The following GPHN variants were observed in gnomAD, a reference collection of about 807,000 sequenced individuals.
The protein encoded by GPHN is gephyrin.
Under a neutral mutation model 95.5 loss-of-function variants are expected in GPHN, and 17 were observed. That is an observed-to-expected ratio of 0.18 (90% CI 0.12 to 0.27). The LOEUF (loss-of-function observed/expected upper bound fraction) is 0.27. Ranked by LOEUF, GPHN falls within the 10% of genes least tolerant of loss-of-function variation. The pLI, the probability that GPHN is intolerant of heterozygous loss-of-function variation, is 1.00. For missense variants in GPHN, 660 were observed against 978.1 expected (o/e 0.67, Z 4.34); for synonymous variants, 320 against 322.5 (o/e 0.99, Z 0.08).
At chr14:67,122,183 A>G (rs2079047702) in intron 16 of GPHN, 73 bp from the exon 17 acceptor site, 1 of 1,467,954 alleles carries the variant, frequency 6.8e-7, no homozygotes, top group Non-Finnish European at 9.5e-7. Context: ...TCAGTTTAGT[A>G]GATTTTTTTT....
intron 3 of GPHN, among the ~76,000 whole-genome samples, chr14:66,793,598 T>C (rs536024026): frequency 1.5e-3 from 227 of 152,248 alleles, no homozygotes; most frequent in Non-Finnish European, 2.7e-3. Flanking sequence ...CATATATATA[T>C]CTGTGTGTGA....
intron 4 of GPHN, among the ~76,000 whole-genome samples, chr14:66,827,874 G>A (rs1485493243): frequency 2.6e-5 from 4 of 152,028 alleles, no homozygotes; most frequent in Non-Finnish European, 4.4e-5. Flanking sequence ...TAGTTGACAA[G>A]TGTCTGTTTC....
the GPHN span, among the ~76,000 whole-genome samples, chr14:67,309,646 A>G: frequency 6.6e-6 from 1 of 152,292 alleles, no homozygotes; most frequent in Admixed American, 6.5e-5. Flanking sequence ...GCCTATGGCA[A>G]TGGTCATAAA....
At chr14:66,746,236 CATT>C (rs2058143793) in intron 2 of GPHN, among the ~76,000 whole-genome samples, 1 of 152,098 alleles carries the variant, frequency 6.6e-6, no homozygotes, top group African/African-American at 2.4e-5. Flanking sequence ...GTATACTTAA[CATT>C]ATAAAAACCC....
At chr14:67,323,232 C>CGTGTGTGT in the GPHN span, among the ~76,000 whole-genome samples, 1,577 of 143,550 alleles carry the variant, frequency 0.011, 33 homozygotes, top group African/African-American at 0.035. Context: ...CATATATACA[C>CGTGTGTGT]GTGTGTGTGT....
rs563411213 is a variant in GPHN at position 67,024,882 on chromosome 14, T to G, written c.1006+1207T>G. 3.3e-5 allele frequency among the ~76,000 whole-genome samples: 5 copies of G among 152,284 alleles called. No individual in the cohort carries two copies. The South Asian group carries it at 1.0e-3, about 32-fold the overall frequency. On this transcript the variant is annotated intron_variant, in intron 10 of 22. Coordinates refer to ENST00000478722, the MANE Select transcript of GPHN (RefSeq NM_020806.5). ...TAAAAATTCATGGGGTTTTTTTGTG[T>G]AAATTTTTCCATTTTTGTTTTGTAA...
At chr14:67,107,536 G>A (rs1009901198) in intron 13 of GPHN, among the ~76,000 whole-genome samples, 9 of 152,144 alleles carry the variant, frequency 5.9e-5, no homozygotes, top group South Asian at 2.1e-4. Flanking sequence ...AAAGAAAAAG[G>A]TTTTGGCCAG....
the GPHN span, among the ~76,000 whole-genome samples, chr14:67,710,612 A>G: frequency 1.3e-5 from 2 of 152,022 alleles, no homozygotes; most frequent in South Asian, 4.1e-4. Flanking sequence ...CTTTATTTTT[A>G]TAACTTTCTT....
At chr14:66,595,999 T>C (rs1444812442) in intron 1 of GPHN, among the ~76,000 whole-genome samples, 1 of 151,904 alleles carries the variant, frequency 6.6e-6, no homozygotes, top group Non-Finnish European at 1.5e-5. Context: ...AGTGGGTAGC[T>C]CCTCTCTGCA....
chr14:66,886,770 A>G (rs1223282572), intron 5 of GPHN, among the ~76,000 whole-genome samples: 1 of 152,154 alleles, frequency 6.6e-6, no homozygotes, highest in African/African-American at 2.4e-5. Context: ...CAGCATACAC[A>G]TTATGGGGAT....
At chr14:66,916,981 A>G (rs188116111) in intron 6 of GPHN, among the ~76,000 whole-genome samples, 4 of 152,268 alleles carry the variant, frequency 2.6e-5, no homozygotes, top group Non-Finnish European at 4.4e-5. Flanking sequence ...TAGGGTGTGG[A>G]TATATTTAGA....
intron 4 of GPHN, among the ~76,000 whole-genome samples, chr14:66,852,165 C>T (rs1265258050): frequency 1.3e-5 from 2 of 152,130 alleles, no homozygotes; most frequent in African/African-American, 4.8e-5. Context: ...TACAGAAAAA[C>T]AGATATCATT....
At chr14:67,111,292 C>G (rs1386254170) in intron 14 of GPHN, among the ~76,000 whole-genome samples, 1 of 152,216 alleles carries the variant, frequency 6.6e-6, no homozygotes, top group Non-Finnish European at 1.5e-5. Flanking sequence ...CATACATCCA[C>G]AGACTCTGCC....
chr14:66,787,792 G>A (rs1447905294), intron 3 of GPHN, among the ~76,000 whole-genome samples: 2 of 150,982 alleles, frequency 1.3e-5, no homozygotes, highest in African/African-American at 4.9e-5. Context: ...AAGAATCTCA[G>A]TCTATGCCTC....
At chr14:67,521,140 T>G in the GPHN span, among the ~76,000 whole-genome samples, 1 of 152,224 alleles carries the variant, frequency 6.6e-6, no homozygotes, top group Admixed American at 6.5e-5. Flanking sequence ...ATGTAGATTG[T>G]TGAATAATAT....
chr14:66,916,678 T>G (rs748188652), intron 6 of GPHN, among the ~76,000 whole-genome samples: 6 of 152,132 alleles, frequency 3.9e-5, no homozygotes, highest in Non-Finnish European at 8.8e-5. Context: ...TGTTAGATTG[T>G]GTGGTGGCCA....
the GPHN span, among the ~76,000 whole-genome samples, chr14:67,357,415 G>GA: frequency 6.6e-6 from 1 of 152,186 alleles, no homozygotes; most frequent in African/African-American, 2.4e-5. Flanking sequence ...CAGCCATGGG[G>GA]AAAATATTTA....
At chr14:67,317,906 C>T in the GPHN span, among the ~76,000 whole-genome samples, 10 of 152,146 alleles carry the variant, frequency 6.6e-5, no homozygotes, top group Admixed American at 5.2e-4. Context: ...TTAAAAAGCT[C>T]GAAAGTTGTA....
the GPHN span, chr14:67,470,179 C>CATGATG: frequency 6.6e-6 from 1 of 152,258 alleles, no homozygotes; most frequent in East Asian, 1.9e-4. Flanking sequence ...TTCAGGAGGG[C>CATGATG]ATGATGCCAG....
Sources: allele counts gnomAD v4.1 joint callset (sites outside exome capture counted in the v4.1 genomes callset), GRCh38; gene constraint gnomAD v4.1.1; transcripts MANE v1.5; gene names NCBI Gene and HGNC (gene_info 2026-07-23, HGNC 2026-07-21).